The following PATL2 variants were observed in gnomAD, a reference collection of about 807,000 sequenced individuals.
The protein encoded by PATL2 is PAT1 homolog 2, also known as protein PAT1 homolog 2.
A neutral mutation model predicts 77.0 loss-of-function variants in PATL2; 73 were observed. The ratio of observed to expected loss-of-function variants is 0.95; its 90% CI spans 0.78 to 1.15. PATL2 has a LOEUF of 1.15. Ranked by LOEUF, PATL2 falls within the 50% of genes most tolerant of loss-of-function variation. The pLI is 0.00. For synonymous variants in PATL2, 265 were observed against 257.1 expected (o/e 1.03, Z -0.29); for missense variants, 618 against 655.4 (o/e 0.94, Z 0.62).
At chr15:44,675,735 A>T (rs1401340900) in intron 4 of PATL2, 44 bp from the exon 5 acceptor site, 1 of 1,485,730 alleles carries the variant, frequency 6.7e-7, no homozygotes, top group East Asian at 2.5e-5. Flanking sequence ...GATGGGGCTC[A>T]GCTGTGAGTC....
chr15:44,700,444 G>A (rs1483526306), intron 3 of PATL2, among the ~76,000 whole-genome samples: 1 of 152,062 alleles, frequency 6.6e-6, no homozygotes, highest in Non-Finnish European at 1.5e-5. Context: ...TGAGACTACA[G>A]GTATGTGCCA....
At chr15:44,705,811 G>GTTTTTTTTTTTTTTTTTTTTTTTTTTTT (rs371254036) in intron 3 of PATL2, among the ~76,000 whole-genome samples, 2 of 135,394 alleles carry the variant, frequency 1.5e-5, no homozygotes, top group African/African-American at 3.0e-5. Context: ...TCAAAACATT[G>GTTTTTTTTTTTTTTTTTTTTTTTTTTTT]TTTTTTTTTA....
At chr15:44,674,033 C>T (rs1459765952) in intron 6 of PATL2, 117 bp downstream of exon 6, 2 of 964,776 alleles carry the variant, frequency 2.1e-6, no homozygotes, top group East Asian at 5.4e-5. Context: ...GCAACTCCCA[C>T]CTCCCACACC....
chr15:44,666,311 AGAAG>A, intron 17 of PATL2, 77 bp downstream of exon 17: 3 of 1,484,824 alleles, frequency 2.0e-6, no homozygotes, highest in Non-Finnish European at 2.8e-6. Flanking sequence ...ATAATTTAGA[AGAAG>A]GAAGTAGTGA....
rs2085563790 is a variant in PATL2 at position 44,669,623 on chromosome 15, GC to G, written c.877-61del. The stretch of plus-strand genomic sequence containing the variant: ...TGCCACTGCCACAGCCCTAGCCCAG[GC>G]CCCCAACTAGCTAGAGATTGAGCTG... On this transcript the variant is annotated intron_variant, in intron 11 of 17. Coordinates refer to ENST00000682850, the MANE Select transcript of PATL2 (RefSeq NM_001387263.1). 17 of 1,528,108 alleles carry G rather than the reference GC, an allele frequency of 1.1e-5. No homozygotes were observed. In the East Asian group the frequency reaches 4.2e-4, roughly 38 times the overall value. 94.7% of individuals were successfully genotyped at this position (1,528,108 alleles called of 1,614,324 possible).
At chr15:44,675,765 C>T (rs1228222547) in intron 4 of PATL2, 74 bp from the exon 5 acceptor site, 30 of 1,249,132 alleles carry the variant, frequency 2.4e-5, no homozygotes, top group Non-Finnish European at 2.4e-5. Context: ...GAGGCTGCTA[C>T]TCAATAGCAC....
intron 3 of PATL2, among the ~76,000 whole-genome samples, chr15:44,685,340 G>A (rs1327677494): frequency 6.6e-6 from 1 of 152,182 alleles, no homozygotes; most frequent in African/African-American, 2.4e-5. Flanking sequence ...CAGGCACGGT[G>A]GCTCACGCCT....
At chr15:44,689,081 C>T (rs1053112834) in intron 3 of PATL2, among the ~76,000 whole-genome samples, 1 of 152,162 alleles carries the variant, frequency 6.6e-6, no homozygotes, top group Admixed American at 6.5e-5. Flanking sequence ...CAAAAGAAGA[C>T]ATTTATGCAG....
At position 44,673,282 on chromosome 15, in the gene PATL2, G is replaced by T. The variant is rs913935316; in HGVS notation, c.399C>A (p.Asp133Glu). 4.5e-6 allele frequency: 7 copies of T among 1,551,542 alleles called. No individual in the cohort carries two copies. Among genetic ancestry groups the T allele is most frequent in the African/African-American group, 2.7e-5 (2 of 73,022 alleles). ...QHFGPRLPSP[D>E]PTLFCSLLTS... ...TCAGCAGGCTGCAGAAGAGAGTTGG[G>T]TCTGGTGAGGGCAGCCGAGGTCCAA... is the stretch of plus-strand genomic sequence containing the variant. Residue 133 changes from aspartate (D) to glutamate (E), a missense_variant, in exon 7 of 18, where the codon GAC becomes GAA. Transcript: ENST00000682850.
intron 3 of PATL2, among the ~76,000 whole-genome samples, chr15:44,704,676 T>C (rs1279305980): frequency 6.6e-6 from 1 of 152,260 alleles, no homozygotes; most frequent in Non-Finnish European, 1.5e-5. Flanking sequence ...TTCTGTTTTT[T>C]TTCTGTGTAC....
chr15:44,668,260 T>G, intron 15 of PATL2, 82 bp downstream of exon 15: 1 of 1,427,694 alleles, frequency 7.0e-7, no homozygotes, highest in Admixed American at 2.4e-5. Flanking sequence ...TGTGTAGAGA[T>G]GAGACTGTCC....
intron 3 of PATL2, among the ~76,000 whole-genome samples, chr15:44,703,691 G>A (rs1458909343): frequency 8.0e-6 from 1 of 124,828 alleles, no homozygotes; most frequent in Non-Finnish European, 1.6e-5. Flanking sequence ...GGTGAAGTGT[G>A]CTCCTTGTAG....
chr15:44,674,237 C>G lies in PATL2; in HGVS notation c.223-7G>C, dbSNP rs1020745589. On this transcript the variant is annotated splice_region_variant and splice_polypyrimidine_tract_variant and intron_variant, in intron 5 of 17. Coordinates refer to ENST00000682850, the MANE Select transcript of PATL2 (RefSeq NM_001387263.1). ...GGGAGCTAAGCAGAGCTCTCTGGAA[C>G]AGGAGGGAGGAAAAACCAGGCTCAA... 2.0e-6 allele frequency: 3 copies of G among 1,537,876 alleles called. No homozygotes were observed. Among genetic ancestry groups the G allele is most frequent in the African/African-American group, 2.8e-5 (2 of 72,602 alleles).
At chr15:44,682,388 C>CA (rs2086153374) in intron 3 of PATL2, among the ~76,000 whole-genome samples, 1 of 152,174 alleles carries the variant, frequency 6.6e-6, no homozygotes, top group African/African-American at 2.4e-5. Context: ...CACACTGTGT[C>CA]GTCATTCTGT....
Position 44,670,203 on chromosome 15 carries a change from T to TA in PATL2, c.658-117dup, listed in dbSNP as rs1305194711. ...AAGTTTAGTTTTTTTGTGTGTGTTA[T>TA]AAGTTTTGTTGTTTGAGACAGCATC... On this transcript the variant is annotated intron_variant, in intron 9 of 17. Transcript: ENST00000682850. 5.8e-6 allele frequency: 8 copies of TA among 1,388,344 alleles called. No individual in the cohort carries two copies. In the African/African-American group the frequency reaches 8.7e-5, roughly 15 times the overall value. The allele number at this position is 1,388,344 out of a possible 1,614,324, so 86.0% of individuals were successfully genotyped here.
At chr15:44,683,733 C>T (rs1314946894) in intron 3 of PATL2, among the ~76,000 whole-genome samples, 1 of 152,204 alleles carries the variant, frequency 6.6e-6, no homozygotes, top group Non-Finnish European at 1.5e-5. Flanking sequence ...CAGCATAGTG[C>T]TCAAGCTCTG....
At position 44,669,001 on chromosome 15, in the gene PATL2, G is replaced by T; in HGVS notation, c.1203C>A (p.Val401=). 1 of 1,549,024 alleles carries T rather than the reference G, an allele frequency of 6.5e-7. No individual in the cohort carries two copies. Among genetic ancestry groups the T allele is most frequent in the African/African-American group, 1.4e-5 (1 of 73,102 alleles). Residue 401 remains valine, a synonymous_variant, in exon 14 of 18, where the codon GTC becomes GTA. Transcript: ENST00000682850. ...GTACCTGATCAGCCACATCCCTCCGGACCAGGAGGGGCAGATGGTGGGTGA... is the reference window on the plus strand; with the variant it reads ...GTACCTGATCAGCCACATCCCTCCGTACCAGGAGGGGCAGATGGTGGGTGA... The part of the protein sequence containing the change: ...LAITHHLPLL[V]RRDVADQALQ...
rs973695824 is a variant in PATL2, at chr15:44,669,299, G to C, written c.1045C>G (p.Gln349Glu). 1.9e-6 allele frequency: 3 copies of C among 1,550,952 alleles called. No homozygotes were observed. The highest frequency in any genetic ancestry group is 2.6e-6 in the Non-Finnish European group (3 of 1,146,498). Reference sequence around the variant, plus strand: ...ACTCACTCCAGGTTGTTCTGCTCCTGGGTCTTTAAGGTCTGGAAGAGCTTC... The same window carrying C: ...ACTCACTCCAGGTTGTTCTGCTCCTCGGTCTTTAAGGTCTGGAAGAGCTTC... ...VEKLFQTLKT[Q>E]EQNNLEEAAD... is the part of the protein sequence containing the mutation. Residue 349 changes from glutamine to glutamate, a missense_variant, in exon 13 of 18, where the codon CAG becomes GAG. Transcript: ENST00000682850.
chr15:44,669,409 A>C lies in PATL2; in HGVS notation c.935T>G (p.Phe312Cys). Residue 312 changes from phenylalanine (F) to cysteine (C), a missense_variant, in exon 13 of 18, where the codon TTC becomes TGC. By Grantham distance (205) the Phe-to-Cys change is radical. Coordinates refer to ENST00000682850, the MANE Select transcript of PATL2 (RefSeq NM_001387263.1). Reference protein sequence around the residue: ...LRVLYRIEKMFLQLLEIEEGW... With the variant: ...LRVLYRIEKMCLQLLEIEEGW... ...TTCCTCTATTTCTAGTAACTGAAGG[A>C]ACATCTGGGAATTTGAGGGTGGAAA... is the stretch of plus-strand genomic sequence containing the variant. 2 of 1,549,728 alleles carry C rather than the reference A, an allele frequency of 1.3e-6. No homozygotes were observed. The highest frequency in any genetic ancestry group is 1.7e-6 in the Non-Finnish European group (2 of 1,145,330).
Sources: gnomAD v4.1 joint callset for allele counts (sites outside exome capture counted in the v4.1 genomes callset) on GRCh38, gnomAD v4.1.1 for gene constraint, MANE v1.5 for transcripts, NCBI Gene and HGNC (gene_info 2026-07-23, HGNC 2026-07-21) for gene names.